The following SDK1 variants were observed in gnomAD, a reference collection of about 807,000 sequenced individuals.
SDK1 encodes the protein sidekick cell adhesion molecule 1.
In SDK1, 157 loss-of-function variants were observed where a neutral mutation model predicts 245.5. That is an observed-to-expected ratio of 0.64 (90% CI 0.56 to 0.73). The LOEUF is 0.73. Ranked by LOEUF, SDK1 falls within the 30% of genes least tolerant of loss-of-function variation. The pLI is 0.00. For missense variants in SDK1, 3,583 were observed against 3,002.3 expected, an observed-to-expected ratio of 1.19 and a Z score of -4.52; for synonymous variants, 1,647 against 1,278.5, an observed-to-expected ratio of 1.29 and a Z score of -6.15.
intron 2 of SDK1, among the ~76,000 whole-genome samples, chr7:3,629,697 C>A (rs1292446027): frequency 1.3e-5 from 2 of 152,164 alleles, no homozygotes; most frequent in African/African-American, 4.8e-5. Flanking sequence ...TATCAGAGAA[C>A]AAAGTTAATG....
chr7:3,990,934 C>A (rs1784256571), intron 14 of SDK1, among the ~76,000 whole-genome samples: 1 of 152,224 alleles, frequency 6.6e-6, no homozygotes, highest in African/African-American at 2.4e-5. Flanking sequence ...TCGTGTGTAA[C>A]TATCCAGCCA....
chr7:4,033,479 A>T (rs1186976613), intron 17 of SDK1, among the ~76,000 whole-genome samples: 1 of 152,246 alleles, frequency 6.6e-6, no homozygotes, highest in Non-Finnish European at 1.5e-5. Flanking sequence ...TAGAAGCTTT[A>T]AAAAGCTAAA....
intron 1 of SDK1, among the ~76,000 whole-genome samples, chr7:3,396,083 T>C (rs1296827902): frequency 1.3e-5 from 2 of 151,896 alleles, no homozygotes; most frequent in Non-Finnish European, 2.9e-5. Context: ...AATATAGGAA[T>C]GTTAACACTA....
At chr7:4,203,787 G>A (rs909782984) in intron 35 of SDK1, among the ~76,000 whole-genome samples, 7 of 152,236 alleles carry the variant, frequency 4.6e-5, no homozygotes, top group Non-Finnish European at 8.8e-5. Context: ...TTTGCTCAGC[G>A]TTGACATATA....
At chr7:3,325,756 A>G (rs1779925322) in intron 1 of SDK1, among the ~76,000 whole-genome samples, 1 of 152,176 alleles carries the variant, frequency 6.6e-6, no homozygotes. Flanking sequence ...AATTTTTTAC[A>G]AATTACATAG....
At chr7:3,998,508 G>A (rs184948904) in intron 14 of SDK1, among the ~76,000 whole-genome samples, 5 of 152,210 alleles carry the variant, frequency 3.3e-5, no homozygotes, top group African/African-American at 7.2e-5. Flanking sequence ...ATACCCCTAC[G>A]TTTATGTGAG....
intron 43 of SDK1, among the ~76,000 whole-genome samples, chr7:4,244,006 C>T (rs534206056): frequency 6.6e-6 from 1 of 152,326 alleles, no homozygotes; most frequent in South Asian, 2.1e-4. Context: ...TAAGAAATGG[C>T]ATCTTTCCCA....
At chr7:3,456,870 A>G (rs1780685011) in intron 1 of SDK1, among the ~76,000 whole-genome samples, 2 of 152,038 alleles carry the variant, frequency 1.3e-5, no homozygotes, top group Admixed American at 1.3e-4. Flanking sequence ...TAGGTTTAGC[A>G]CTCAGGTTCT....
chr7:3,365,704 T>G (rs931047713), intron 1 of SDK1, among the ~76,000 whole-genome samples: 6 of 152,218 alleles, frequency 3.9e-5, no homozygotes, highest in African/African-American at 7.2e-5. Flanking sequence ...GCTGAGGATG[T>G]AGAGACAGAA....
At chr7:3,740,424 AG>A (rs1416222657) in intron 4 of SDK1, among the ~76,000 whole-genome samples, 2 of 152,154 alleles carry the variant, frequency 1.3e-5, no homozygotes, top group African/African-American at 4.8e-5. Context: ...TTGCTGCCTC[AG>A]GGAACTGTGA....
Position 3,759,691 on chromosome 7 carries a change from A to G in SDK1, c.714-61759A>G, listed in dbSNP as rs1780037117. Among the ~76,000 whole-genome samples, 3 of 151,956 alleles carry G rather than the reference A, an allele frequency of 2.0e-5. No homozygotes were observed. The South Asian group carries it at 6.2e-4, about 32-fold the overall frequency. On this transcript the variant is annotated intron_variant, in intron 4 of 44. Transcript: ENST00000404826. The stretch of plus-strand genomic sequence containing the variant: ...ATTGCAACCTCCACCTCCCGGGTTC[A>G]GGCGATTCTTCTGCCTCAGCCTCCT...
intron 1 of SDK1, among the ~76,000 whole-genome samples, chr7:3,407,894 G>A (rs572899793): frequency 1.1e-4 from 16 of 152,178 alleles, no homozygotes; most frequent in African/African-American, 3.9e-4. Context: ...AGGCTCTGGA[G>A]AAAGAGGGAA....
chr7:3,599,971 C>T (rs910010471), intron 1 of SDK1, among the ~76,000 whole-genome samples: 3 of 152,048 alleles, frequency 2.0e-5, no homozygotes, highest in African/African-American at 7.2e-5. Context: ...ATTAAATATG[C>T]TGGTATTTGG....
intron 4 of SDK1, among the ~76,000 whole-genome samples, chr7:3,669,793 C>T (rs1583290618): frequency 6.6e-6 from 1 of 152,180 alleles, no homozygotes; most frequent in African/African-American, 2.4e-5. Context: ...ATTCAACAGC[C>T]TATTCATTGT....
At chr7:4,065,788 C>G (rs1026097796) in intron 19 of SDK1, among the ~76,000 whole-genome samples, 1 of 135,744 alleles carries the variant, frequency 7.4e-6, no homozygotes, top group East Asian at 2.6e-4. Context: ...GTCCAAGTAC[C>G]AACTCAGTGC....
chr7:3,893,838 C>T (rs1022250409), intron 5 of SDK1, among the ~76,000 whole-genome samples: 2 of 152,054 alleles, frequency 1.3e-5, no homozygotes, highest in Admixed American at 1.3e-4. Flanking sequence ...CCTTATCTGA[C>T]CCTGGCTCCT....
At chr7:3,318,111 A>T (rs1385208597) in intron 1 of SDK1, among the ~76,000 whole-genome samples, 1 of 152,172 alleles carries the variant, frequency 6.6e-6, no homozygotes, top group Non-Finnish European at 1.5e-5. Context: ...CATTATACAG[A>T]TGGTAGCATA....
At chr7:3,453,058 T>C (rs1780565003) in intron 1 of SDK1, among the ~76,000 whole-genome samples, 1 of 152,152 alleles carries the variant, frequency 6.6e-6, no homozygotes, top group South Asian at 2.1e-4. Context: ...GCTACCACGA[T>C]AGAGTGGACC....
At chr7:3,319,377 G>A (rs550296914) in intron 1 of SDK1, among the ~76,000 whole-genome samples, 1 of 152,214 alleles carries the variant, frequency 6.6e-6, no homozygotes, top group African/African-American at 2.4e-5. Context: ...TTGAGTGCCT[G>A]TAAGAGCATC....
Sources: gnomAD v4.1 joint callset for allele counts (sites outside exome capture counted in the v4.1 genomes callset) on GRCh38, gnomAD v4.1.1 for gene constraint, MANE v1.5 for transcripts, NCBI Gene and HGNC (gene_info 2026-07-23, HGNC 2026-07-21) for gene names.